Variants in GALNT2 observed in about 807,000 individuals in gnomAD.
The protein encoded by GALNT2 is polypeptide N-acetylgalactosaminyltransferase 2, also known as UDP-GalNAc:polypeptide N-acetylgalactosaminyltransferase 2.
GALNT2 carries 31 observed loss-of-function variants against 81.4 expected under a neutral mutation model. The ratio of observed to expected loss-of-function variants is 0.38; its 90% confidence interval spans 0.29 to 0.51. The LOEUF (loss-of-function observed/expected upper bound fraction) is 0.51. Ranked by LOEUF, GALNT2 falls within the 20% of genes least tolerant of loss-of-function variation. The probability of loss-of-function intolerance (pLI) is 0.87; values close to 1 mark genes in which losing one functional copy is unlikely to be tolerated. For synonymous variants in GALNT2, 303 were observed against 287.4 expected, an observed-to-expected ratio of 1.05 and a Z score of -0.55; for missense variants, 629 against 765.7, an observed-to-expected ratio of 0.82 and a Z score of 2.11.
At chr1:230,154,858 TG>T (rs1662197679) in intron 1 of GALNT2, among the ~76,000 whole-genome samples, 1 of 152,244 alleles carries the variant, frequency 6.6e-6, no homozygotes, top group South Asian at 2.1e-4. Context: ...ATGGCAGCCC[TG>T]GCATACTTAC....
chr1:230,183,259 A>G (rs1425319725), intron 2 of GALNT2, among the ~76,000 whole-genome samples: 1 of 152,234 alleles, frequency 6.6e-6, no homozygotes, highest in Non-Finnish European at 1.5e-5. Context: ...TATTTAGACC[A>G]TCGATGTACA....
At chr1:230,212,256 G>A (rs1224323287) in intron 3 of GALNT2, among the ~76,000 whole-genome samples, 2 of 152,244 alleles carry the variant, frequency 1.3e-5, no homozygotes, top group South Asian at 2.1e-4. Flanking sequence ...TCTTCAGAGG[G>A]TCTTTCATAC....
intron 2 of GALNT2, among the ~76,000 whole-genome samples, chr1:230,192,406 A>G (rs530345576): frequency 6.6e-6 from 1 of 152,350 alleles, no homozygotes. Context: ...ACTGGTTAAC[A>G]GATGCTGTCT....
In GALNT2 at chr1:230,279,370, G is replaced by A. The variant is rs201604838; in HGVS notation, c.1628G>A (p.Arg543His). Residue 543 changes from arginine to histidine, a missense_variant, in exon 16 of 16, where the codon CGC becomes CAC. This residue lies in a region of GALNT2 where 207 missense variants were observed against 225.5 expected (regional missense o/e 0.92). Coordinates refer to ENST00000366672, the MANE Select transcript of GALNT2 (RefSeq NM_004481.5). This position sits in a 1 kb window ranked among gnomAD's most constrained non-coding sequence, Gnocchi z 4.6. Reference sequence around the variant, plus strand: ...GGCAGCAACCTGTGCCTGGACAGTCGCACGGCCAAGAGCGGGGGCCTAAGC... The same window carrying A: ...GGCAGCAACCTGTGCCTGGACAGTCACACGGCCAAGAGCGGGGGCCTAAGC... ...HVGSNLCLDS[R>H]TAKSGGLSVE... The A allele has an allele frequency of 2.0e-5, 33 of 1,614,150 alleles. No individual in the cohort carries two copies. In the East Asian group the frequency reaches 3.6e-4, roughly 17 times the overall value.
intron 2 of GALNT2, among the ~76,000 whole-genome samples, chr1:230,192,725 C>G (rs1489224994): frequency 6.6e-6 from 1 of 152,090 alleles, no homozygotes; most frequent in Non-Finnish European, 1.5e-5. Context: ...AAACTATTTC[C>G]TCTATAACAT....
rs942928281 is a variant in GALNT2 at position 230,275,529 on chromosome 1, C to G, written c.1560+965C>G. ...ACAGATACATACATATATATACATG[C>G]CACATAGATATACATATATAAACGC... is the stretch of plus-strand genomic sequence containing the variant. On this transcript the variant is annotated intron_variant, in intron 15 of 15. Transcript: ENST00000366672. This position sits in a 1 kb window ranked among gnomAD's most constrained non-coding sequence, Gnocchi z 5.5. Among the ~76,000 whole-genome samples, 1 of 148,550 alleles carries G rather than the reference C, an allele frequency of 6.7e-6. No individual in the cohort carries two copies. Among genetic ancestry groups the G allele is most frequent in the African/African-American group, 2.5e-5 (1 of 40,198 alleles).
rs3789631 is a variant in GALNT2 at position 230,251,928 on chromosome 1, A to C, written c.1009+1368A>C. Among the ~76,000 whole-genome samples, 81 of 150,022 alleles carry C rather than the reference A, an allele frequency of 5.4e-4. 2 individuals are homozygous for C. In the East Asian group the frequency reaches 0.015, roughly 28 times the overall value. On this transcript the variant is annotated intron_variant, in intron 10 of 15. Transcript: ENST00000366672. The stretch of plus-strand genomic sequence containing the variant: ...TAGATTTGTTGTAAGGAGCTGCTTT[A>C]TTGTGGTTTGGTGTTTGTATTTATT...
chr1:230,089,784 A>G (rs1222958075), intron 1 of GALNT2, among the ~76,000 whole-genome samples: 1 of 152,256 alleles, frequency 6.6e-6, no homozygotes, highest in Admixed American at 6.5e-5. Flanking sequence ...TTCTATGGAC[A>G]TACAACGTTG....
chr1:230,188,399 G>T (rs628035), intron 2 of GALNT2, among the ~76,000 whole-genome samples: 35,002 of 152,080 alleles, frequency 0.23, 4,879 homozygotes, highest in African/African-American at 0.39. Flanking sequence ...GGGAGCACGG[G>T]ATCTGGGTTC....
chr1:230,068,996 A>G (rs1386533819), intron 1 of GALNT2, among the ~76,000 whole-genome samples: 1 of 152,146 alleles, frequency 6.6e-6, no homozygotes, highest in African/African-American at 2.4e-5. Context: ...TGCCTTGGCC[A>G]CTCTGCATAG....
chr1:230,216,801 T>G (rs893252497), intron 3 of GALNT2, among the ~76,000 whole-genome samples: 4 of 152,188 alleles, frequency 2.6e-5, no homozygotes, highest in African/African-American at 9.7e-5. Context: ...TCTGTAAAAT[T>G]TAAAGTTCAG....
At chr1:230,065,508 T>C (rs1175582879), upstream of GALNT2, among the ~76,000 whole-genome samples, 1 of 152,238 alleles carries the variant, frequency 6.6e-6, no homozygotes, top group African/African-American at 2.4e-5. Context: ...TTATGCTTCA[T>C]GGTTTTTATT....
intron 10 of GALNT2, among the ~76,000 whole-genome samples, chr1:230,253,561 C>G (rs1665615401): frequency 1.3e-5 from 2 of 152,134 alleles, no homozygotes. Flanking sequence ...TGTTAATTGA[C>G]AGATAATAAT....
intron 1 of GALNT2, among the ~76,000 whole-genome samples, chr1:230,058,547 G>A (rs1279197974): frequency 6.6e-6 from 1 of 152,174 alleles, no homozygotes; most frequent in East Asian, 1.9e-4. Context: ...CTTGGGCAAG[G>A]CACTTAACAG....
At chr1:230,077,497 T>C (rs1382857939) in intron 1 of GALNT2, among the ~76,000 whole-genome samples, 1 of 152,244 alleles carries the variant, frequency 6.6e-6, no homozygotes. Flanking sequence ...CGGGTTCTTA[T>C]CAGTTGGCAT....
chr1:230,156,217 GAGAGAGAGAGAGAGAA>G, intron 1 of GALNT2, among the ~76,000 whole-genome samples: 1 of 140,498 alleles, frequency 7.1e-6, no homozygotes, highest in East Asian at 2.0e-4. Context: ...GAGGGAGAGA[GAGAGAGAGAGAGAGAA>G]AGAGAGAGAG....
chr1:230,167,125 CAG>C (rs1394450100), intron 1 of GALNT2, among the ~76,000 whole-genome samples: 1 of 149,044 alleles, frequency 6.7e-6, no homozygotes, highest in Non-Finnish European at 1.5e-5. Flanking sequence ...CTCTTCAAAA[CAG>C]AGTCAAGTGT....
intron 1 of GALNT2, among the ~76,000 whole-genome samples, chr1:230,117,671 G>A (rs1660887359): frequency 6.6e-6 from 1 of 152,142 alleles, no homozygotes; most frequent in Admixed American, 6.6e-5. Flanking sequence ...ATGGTTCATG[G>A]TGCTCCAAAA....
At chr1:230,194,685 A>C (rs1003798290) in intron 2 of GALNT2, among the ~76,000 whole-genome samples, 3 of 152,116 alleles carry the variant, frequency 2.0e-5, no homozygotes, top group Non-Finnish European at 4.4e-5. Flanking sequence ...CCAGGAGGGG[A>C]GGGACACTCT....
Sources: gnomAD v4.1 joint callset for allele counts (sites outside exome capture counted in the v4.1 genomes callset) on GRCh38, gnomAD v4.1.1 for gene constraint, gnomAD v4.1.1 regional missense constraint, Gnocchi (gnomAD v3.1) non-coding constraint, MANE v1.5 for transcripts, NCBI Gene and HGNC (gene_info 2026-07-23, HGNC 2026-07-21) for gene names.